Variants in MAGI1 observed in about 807,000 individuals in gnomAD.
MAGI1 encodes the protein membrane associated guanylate kinase, WW and PDZ domain containing 1.
In MAGI1, 58 loss-of-function variants were observed where a neutral mutation model predicts 139.9. The observed-to-expected ratio is 0.41, with a 90% confidence interval of 0.34 to 0.52. The LOEUF is 0.52. Among genes scored for constraint, MAGI1 ranks in the 20% least tolerant of loss-of-function variants. MAGI1 has a pLI of 0.12. For synonymous variants in MAGI1, 812 were observed against 737.9 expected, an observed-to-expected ratio of 1.10 and a Z score of -1.63; for missense variants, 1,874 against 1,901.6, an observed-to-expected ratio of 0.99 and a Z score of 0.27.
intron 1 of MAGI1, among the ~76,000 whole-genome samples, chr3:65,963,151 T>A: frequency 3.1e-5 from 3 of 95,694 alleles, no homozygotes; most frequent in East Asian, 2.8e-4. Context: ...GCCAACACAG[T>A]GGGGAAAAAA....
At chr3:65,904,711 A>T (rs1279581113) in intron 1 of MAGI1, among the ~76,000 whole-genome samples, 1 of 152,224 alleles carries the variant, frequency 6.6e-6, no homozygotes, top group African/African-American at 2.4e-5. Context: ...GTTCACAAGT[A>T]TCATTGACAA....
intron 1 of MAGI1, among the ~76,000 whole-genome samples, chr3:65,714,242 C>A (rs538019035): frequency 6.6e-6 from 1 of 152,288 alleles, no homozygotes; most frequent in East Asian, 1.9e-4. Context: ...GGCATTCCTC[C>A]AATGGCCCTG....
At chr3:65,695,295 A>G (rs2089061189) in intron 1 of MAGI1, among the ~76,000 whole-genome samples, 1 of 148,404 alleles carries the variant, frequency 6.7e-6, no homozygotes, top group South Asian at 2.2e-4. Flanking sequence ...TGATTCAGGC[A>G]TCACCCCCAT....
chr3:65,395,982 G>A (rs1270768785), intron 13 of MAGI1, among the ~76,000 whole-genome samples: 3 of 152,082 alleles, frequency 2.0e-5, no homozygotes, highest in African/African-American at 7.2e-5. Context: ...GGCAACACCA[G>A]GGTAGCTGGA....
intron 1 of MAGI1, among the ~76,000 whole-genome samples, chr3:65,724,945 C>T (rs2033439313): frequency 6.6e-6 from 1 of 152,094 alleles, no homozygotes; most frequent in African/African-American, 2.4e-5. Context: ...ATGGGCACTA[C>T]AATTCAAGAC....
chr3:65,569,343 C>A (rs1394389606), intron 2 of MAGI1, among the ~76,000 whole-genome samples: 6 of 152,036 alleles, frequency 3.9e-5, no homozygotes, highest in Admixed American at 2.6e-4. Context: ...TGAAAAAGTT[C>A]TTGAGTTGGA....
At chr3:65,852,725 A>G (rs921105550) in intron 1 of MAGI1, among the ~76,000 whole-genome samples, 8 of 151,468 alleles carry the variant, frequency 5.3e-5, no homozygotes, top group Non-Finnish European at 1.0e-4. Context: ...CTGGTCTCGA[A>G]CTCCCGACCT....
chr3:65,953,048 G>C (rs935813932), intron 1 of MAGI1, among the ~76,000 whole-genome samples: 8 of 152,088 alleles, frequency 5.3e-5, no homozygotes, highest in Admixed American at 3.3e-4. Flanking sequence ...CTCAGGGAAA[G>C]GTTAAGTAAT....
At chr3:65,983,461 A>G (rs1198889192) in intron 1 of MAGI1, among the ~76,000 whole-genome samples, 1 of 152,236 alleles carries the variant, frequency 6.6e-6, no homozygotes, top group Non-Finnish European at 1.5e-5. Context: ...TCTGTCTTTT[A>G]AAATTCACTC....
At chr3:65,509,946 G>A (rs1173075299) in intron 2 of MAGI1, among the ~76,000 whole-genome samples, 2 of 152,194 alleles carry the variant, frequency 1.3e-5, no homozygotes, top group South Asian at 2.1e-4. Flanking sequence ...CCAGCACGCA[G>A]AAGGAGATCT....
chr3:65,870,231 CTT>C (rs748483633), intron 1 of MAGI1, among the ~76,000 whole-genome samples: 4 of 145,682 alleles, frequency 2.7e-5, no homozygotes, highest in Admixed American at 1.4e-4. Flanking sequence ...CACTGAGATA[CTT>C]TTTTTTTTTT....
chr3:65,875,241 T>C (rs1191490136), intron 1 of MAGI1, among the ~76,000 whole-genome samples: 1 of 151,604 alleles, frequency 6.6e-6, no homozygotes, highest in Non-Finnish European at 1.5e-5. Context: ...AACTTGGGGG[T>C]AGGGGAGTGA....
At chr3:65,566,387 C>T (rs1559676814) in intron 2 of MAGI1, among the ~76,000 whole-genome samples, 1 of 151,886 alleles carries the variant, frequency 6.6e-6, no homozygotes, top group Non-Finnish European at 1.5e-5. Flanking sequence ...TTAACAGGGA[C>T]TGAGTAGTAA....
intron 1 of MAGI1, among the ~76,000 whole-genome samples, chr3:65,625,721 T>A (rs1410229392): frequency 6.6e-6 from 1 of 152,270 alleles, no homozygotes; most frequent in African/African-American, 2.4e-5. Flanking sequence ...GAACTCTTAC[T>A]CTTTTTTAAA....
At position 65,356,357 on chromosome 3, in the gene MAGI1, G is replaced by C; in HGVS notation, c.*21C>G. On this transcript the variant is annotated 3_prime_UTR_variant, in exon 23 of 23. Transcript: ENST00000402939. ...TCTTAGAACCTTTGACACGGTAAAG[G>C]TTGGAATGTGACTCAGCGTCTCAGA... The C allele has an allele frequency of 6.4e-7, 1 of 1,550,498 alleles. No homozygotes were observed. Among genetic ancestry groups the C allele is most frequent in the Non-Finnish European group, 8.6e-7 (1 of 1,156,952 alleles).
At chr3:65,687,754 G>T (rs2088189279) in intron 1 of MAGI1, 2 of 555,442 alleles carry the variant, frequency 3.6e-6, no homozygotes, top group Admixed American at 1.9e-5. Context: ...GGATCCTTCT[G>T]AAGTTTTGAC....
At chr3:66,012,088 G>A (rs1216419019) in intron 1 of MAGI1, among the ~76,000 whole-genome samples, 4 of 151,856 alleles carry the variant, frequency 2.6e-5, no homozygotes, top group Admixed American at 6.6e-5. Context: ...GTTAGGATGG[G>A]CAACAAAATG....
At chr3:65,793,551 T>G (rs2039925675) in intron 1 of MAGI1, among the ~76,000 whole-genome samples, 1 of 152,210 alleles carries the variant, frequency 6.6e-6, no homozygotes, top group African/African-American at 2.4e-5. Flanking sequence ...TATAAGCAGT[T>G]GAGAGATACT....
At chr3:65,416,585 TTGAA>T (rs147523328) in intron 12 of MAGI1, among the ~76,000 whole-genome samples, 2 of 152,232 alleles carry the variant, frequency 1.3e-5, no homozygotes, top group Admixed American at 6.5e-5. Context: ...CTAAAGTTTG[TTGAA>T]TGAATGAATG....
Sources: gnomAD v4.1 joint callset for allele counts (sites outside exome capture counted in the v4.1 genomes callset) on GRCh38, gnomAD v4.1.1 for gene constraint, MANE v1.5 for transcripts, NCBI Gene and HGNC (gene_info 2026-07-23, HGNC 2026-07-21) for gene names.